PRKAR2B: variants seen among roughly 807,000 people sequenced by gnomAD.
PRKAR2B encodes protein kinase cAMP-dependent type II regulatory subunit beta.
In PRKAR2B, 14 loss-of-function variants were observed where a neutral mutation model predicts 49.9. That is an observed-to-expected ratio of 0.28 (90% CI 0.19 to 0.44). The LOEUF (loss-of-function observed/expected upper bound fraction) is 0.44. Ranked by LOEUF, PRKAR2B falls within the 20% of genes least tolerant of loss-of-function variation. PRKAR2B has a pLI of 1.00. For missense variants in PRKAR2B, 393 were observed against 537.9 expected, an observed-to-expected ratio of 0.73 and a Z score of 2.67; for synonymous variants, 196 against 197.7, an observed-to-expected ratio of 0.99 and a Z score of 0.07.
At chr7:107,096,093 T>C (rs1794831033) in intron 2 of PRKAR2B, among the ~76,000 whole-genome samples, 1 of 152,236 alleles carries the variant, frequency 6.6e-6, no homozygotes, top group African/African-American at 2.4e-5. Flanking sequence ...AGCTCCTCTT[T>C]GTACCTCTGG....
At chr7:107,152,367 AC>A (rs1482763835) in intron 7 of PRKAR2B, among the ~76,000 whole-genome samples, 1 of 151,898 alleles carries the variant, frequency 6.6e-6, no homozygotes, top group Non-Finnish European at 1.5e-5. Flanking sequence ...TCCCACACCC[AC>A]TTCGGGGTCT....
rs3729869 is a variant in PRKAR2B at position 107,070,321 on chromosome 7, G to C, written c.343+5G>C. ...GATTCACAAGGCGTGCCTCAGGTAA[G>C]TCTGATTATATTATGGATTTTGTTT... On this transcript the variant is annotated splice_donor_5th_base_variant and intron_variant, in intron 2 of 10. Coordinates refer to ENST00000265717, the MANE Select transcript of PRKAR2B (RefSeq NM_002736.3). 6.3e-7 allele frequency: 1 copy of C among 1,599,426 alleles called. No homozygotes were observed. Among genetic ancestry groups the C allele is most frequent in the Non-Finnish European group, 8.6e-7 (1 of 1,168,832 alleles).
intron 2 of PRKAR2B, among the ~76,000 whole-genome samples, chr7:107,073,190 A>T (rs1365729482): frequency 6.6e-6 from 1 of 152,196 alleles, no homozygotes; most frequent in Admixed American, 6.5e-5. Context: ...TAAACAAAAC[A>T]TTTCCCCTTT....
At chr7:107,157,468 T>C (rs916305265) in intron 10 of PRKAR2B, 144 bp downstream of exon 10, 15 of 1,085,426 alleles carry the variant, frequency 1.4e-5, no homozygotes, top group East Asian at 5.9e-5. Flanking sequence ...CATTGCCTTA[T>C]AAAATCAATT....
At chr7:107,075,391 A>G (rs1584413772) in intron 2 of PRKAR2B, among the ~76,000 whole-genome samples, 1 of 146,994 alleles carries the variant, frequency 6.8e-6, no homozygotes, top group Non-Finnish European at 1.5e-5. Flanking sequence ...GTAAGCCACC[A>G]CACCTGGCAA....
chr7:107,156,923 A>G, intron 8 of PRKAR2B, 61 bp from the exon 9 acceptor site: 1 of 1,414,648 alleles, frequency 7.1e-7, no homozygotes, highest in Non-Finnish European at 1.0e-6. Flanking sequence ...ATGAAAGGTA[A>G]CAAGATTGTT....
At chr7:107,117,583 T>C (rs139436057) in intron 2 of PRKAR2B, among the ~76,000 whole-genome samples, 79 of 152,308 alleles carry the variant, frequency 5.2e-4, no homozygotes, top group African/African-American at 1.9e-3. Context: ...CTGCTTCCTT[T>C]AACTCCTTGC....
chr7:107,150,496 C>T (rs1341092352), intron 6 of PRKAR2B, among the ~76,000 whole-genome samples: 1 of 151,870 alleles, frequency 6.6e-6, no homozygotes, highest in African/African-American at 2.4e-5. Context: ...TTTATAATTT[C>T]TTTGGGCATC....
intron 2 of PRKAR2B, among the ~76,000 whole-genome samples, chr7:107,076,824 C>G (rs1391460359): frequency 6.6e-6 from 1 of 152,108 alleles, no homozygotes; most frequent in Non-Finnish European, 1.5e-5. Context: ...TCTCACACAC[C>G]TACTGTGTAA....
Position 107,161,054 on chromosome 7 carries a change from A to G in PRKAR2B, c.*1472A>G, listed in dbSNP as rs1327087215. On this transcript the variant is annotated 3_prime_UTR_variant, in exon 11 of 11. Coordinates refer to ENST00000265717, the MANE Select transcript of PRKAR2B (RefSeq NM_002736.3). Reference sequence around the variant, plus strand: ...CTGTGCTAGTGTAGTCTTACTAGAGAATGTTTATGGTCCCACTTGTATATG... The same window carrying G: ...CTGTGCTAGTGTAGTCTTACTAGAGGATGTTTATGGTCCCACTTGTATATG... The G allele has an allele frequency of 6.6e-6, 1 of 152,200 alleles. No homozygotes were observed. Among genetic ancestry groups the G allele is most frequent in the East Asian group, 1.9e-4 (1 of 5,198 alleles). 9.4% of individuals were successfully genotyped at this position (152,200 alleles called of 1,614,324 possible).
chr7:107,140,810 A>G (rs1795778610), intron 4 of PRKAR2B, 37 bp from the exon 5 acceptor site: 7 of 1,454,834 alleles, frequency 4.8e-6, no homozygotes, highest in Admixed American at 2.0e-5. Flanking sequence ...TGTTCTAGAT[A>G]AACATAAAGA....
At chr7:107,100,073 A>G (rs1450982280) in intron 2 of PRKAR2B, among the ~76,000 whole-genome samples, 4 of 151,660 alleles carry the variant, frequency 2.6e-5, no homozygotes, top group South Asian at 2.1e-4. Context: ...TCTGTGGGTC[A>G]CATATTTACC....
At chr7:107,103,931 C>A (rs955176235) in intron 2 of PRKAR2B, among the ~76,000 whole-genome samples, 14 of 152,258 alleles carry the variant, frequency 9.2e-5, no homozygotes, top group Non-Finnish European at 1.9e-4. Context: ...CTGATTATTC[C>A]CTTTTAGAGC....
intron 4 of PRKAR2B, among the ~76,000 whole-genome samples, chr7:107,138,137 T>G (rs1230101506): frequency 6.6e-6 from 1 of 152,202 alleles, no homozygotes; most frequent in Non-Finnish European, 1.5e-5. Context: ...ACTCTTTTAT[T>G]TACCTTTAAA....
At position 107,144,049 on chromosome 7, in the gene PRKAR2B, TTTTCTTA is replaced by T. The variant is rs1315771310; in HGVS notation, c.588-2255_588-2249del. On this transcript the variant is annotated intron_variant, in intron 5 of 10. Transcript: ENST00000265717. The stretch of plus-strand genomic sequence containing the variant: ...CGTGAATGACATTGAAAACCAATTC[TTTTCTTA>T]TTTATTTATTTATTTATTTATTTAT... Among the ~76,000 whole-genome samples, 32 of 141,080 alleles carry T rather than the reference TTTTCTTA, an allele frequency of 2.3e-4. 1 individual carries two copies. In the East Asian group the frequency reaches 2.3e-3, roughly 10 times the overall value. The allele number at this position is 141,080 out of a possible 152,430, so 92.6% of individuals were successfully genotyped here.
intron 6 of PRKAR2B, among the ~76,000 whole-genome samples, chr7:107,148,776 T>G (rs993746495): frequency 6.6e-6 from 1 of 152,138 alleles, no homozygotes; most frequent in Admixed American, 6.5e-5. Context: ...ATAGTCTCAC[T>G]CTGTAAATAA....
intron 1 of PRKAR2B, among the ~76,000 whole-genome samples, chr7:107,054,004 A>C (rs1055328168): frequency 6.6e-6 from 1 of 152,224 alleles, no homozygotes; most frequent in Non-Finnish European, 1.5e-5. Flanking sequence ...ATAAGTGTAA[A>C]AATACATGAA....
At chr7:107,119,257 G>C (rs1795345529) in intron 2 of PRKAR2B, among the ~76,000 whole-genome samples, 1 of 152,038 alleles carries the variant, frequency 6.6e-6, no homozygotes. Context: ...CAAATATCTT[G>C]CCTACTGCCT....
intron 2 of PRKAR2B, among the ~76,000 whole-genome samples, chr7:107,112,878 C>T (rs1054279559): frequency 2.6e-5 from 4 of 151,958 alleles, no homozygotes; most frequent in African/African-American, 9.7e-5. Flanking sequence ...TTTTAGACTT[C>T]TGATAATCAG....
Sources: gnomAD v4.1 joint callset for allele counts (sites outside exome capture counted in the v4.1 genomes callset) on GRCh38, gnomAD v4.1.1 for gene constraint, MANE v1.5 for transcripts, NCBI Gene and HGNC (gene_info 2026-07-23, HGNC 2026-07-21) for gene names.